The following GALNT13 variants were observed in gnomAD, a reference collection of about 807,000 sequenced individuals.
GALNT13 encodes the protein polypeptide N-acetylgalactosaminyltransferase 13.
GALNT13 carries 28 observed loss-of-function variants against 64.2 expected under a neutral mutation model. That is an observed-to-expected ratio of 0.44 (90% confidence interval 0.32 to 0.60). The LOEUF (loss-of-function observed/expected upper bound fraction) is 0.60, where lower values mean the gene tolerates loss of function less well. GALNT13 is among the 20% of genes least tolerant of loss of function. GALNT13 has a pLI of 0.05. For synonymous variants in GALNT13, 214 were observed against 224.6 expected, an observed-to-expected ratio of 0.95 and a Z score of 0.42; for missense variants, 577 against 669.8, an observed-to-expected ratio of 0.86 and a Z score of 1.53.
chr2:154,185,202 A>G (rs1686183579), intron 4 of GALNT13, among the ~76,000 whole-genome samples: 2 of 152,100 alleles, frequency 1.3e-5, no homozygotes, highest in Admixed American at 1.3e-4. Flanking sequence ...GTGTTGGCTG[A>G]AAAATTTACA....
the GALNT13 span, among the ~76,000 whole-genome samples, chr2:153,857,066 T>G: frequency 2.6e-5 from 4 of 152,128 alleles, no homozygotes; most frequent in Non-Finnish European, 5.9e-5. Flanking sequence ...CTGGTTACCT[T>G]TGGGAAACTG....
chr2:153,808,456 A>G, the GALNT13 span, among the ~76,000 whole-genome samples: 1 of 151,960 alleles, frequency 6.6e-6, no homozygotes, highest in Non-Finnish European at 1.5e-5. Flanking sequence ...TAGATTTGCT[A>G]TTAGTTCTCC....
chr2:153,373,960 T>G, the GALNT13 span, among the ~76,000 whole-genome samples: 3 of 152,350 alleles, frequency 2.0e-5, no homozygotes, highest in East Asian at 5.8e-4. Flanking sequence ...TTTTTACGGT[T>G]GAATAATATT....
the GALNT13 span, among the ~76,000 whole-genome samples, chr2:153,819,078 C>T: frequency 1.3e-5 from 2 of 152,124 alleles, no homozygotes; most frequent in Admixed American, 1.3e-4. Context: ...AACTCTGTAG[C>T]ATCTGATCAT....
At chr2:153,610,371 A>G in the GALNT13 span, among the ~76,000 whole-genome samples, 1 of 152,182 alleles carries the variant, frequency 6.6e-6, no homozygotes, top group Non-Finnish European at 1.5e-5. Flanking sequence ...ATATGCATAT[A>G]TTTATTAAAA....
the GALNT13 span, among the ~76,000 whole-genome samples, chr2:153,354,050 T>G: frequency 2.0e-5 from 3 of 152,196 alleles, no homozygotes; most frequent in African/African-American, 7.2e-5. Flanking sequence ...TTTGGAAGGC[T>G]ATTAGTGATT....
chr2:153,772,090 G>T, the GALNT13 span, among the ~76,000 whole-genome samples: 2 of 152,166 alleles, frequency 1.3e-5, no homozygotes, highest in Non-Finnish European at 2.9e-5. Context: ...GCTGATTCCA[G>T]TGCTTACCAC....
At chr2:153,487,425 C>T in the GALNT13 span, among the ~76,000 whole-genome samples, 1 of 152,204 alleles carries the variant, frequency 6.6e-6, no homozygotes, top group Admixed American at 6.5e-5. Context: ...TCTCTTTTCC[C>T]TCCAATATTT....
the GALNT13 span, among the ~76,000 whole-genome samples, chr2:153,450,392 A>C: frequency 1.3e-5 from 2 of 152,170 alleles, no homozygotes; most frequent in African/African-American, 2.4e-5. Context: ...GAATGAAAAA[A>C]AAATGATTGA....
At chr2:153,296,513 A>G in the GALNT13 span, among the ~76,000 whole-genome samples, 1 of 152,220 alleles carries the variant, frequency 6.6e-6, no homozygotes, top group Non-Finnish European at 1.5e-5. Flanking sequence ...GGAGAGAGAA[A>G]ACAGCAGATT....
At chr2:154,440,558 C>T (rs913167769) in intron 12 of GALNT13, among the ~76,000 whole-genome samples, 7 of 152,030 alleles carry the variant, frequency 4.6e-5, no homozygotes, top group Non-Finnish European at 4.4e-5. Flanking sequence ...TTTCAGAGCA[C>T]TATAATATTT....
the GALNT13 span, among the ~76,000 whole-genome samples, chr2:153,765,921 C>G: frequency 2.0e-5 from 3 of 152,176 alleles, no homozygotes; most frequent in African/African-American, 4.8e-5. Flanking sequence ...TAAGATGTGA[C>G]TTTTCCCCTC....
intron 9 of GALNT13, among the ~76,000 whole-genome samples, chr2:154,361,256 C>A (rs923590921): frequency 6.6e-6 from 1 of 152,056 alleles, no homozygotes; most frequent in Non-Finnish European, 1.5e-5. Context: ...TATCCATATA[C>A]GGTTTATATG....
At chr2:153,289,683 A>G in the GALNT13 span, among the ~76,000 whole-genome samples, 1 of 152,218 alleles carries the variant, frequency 6.6e-6, no homozygotes, top group South Asian at 2.1e-4. Context: ...ATCATTTGAA[A>G]TACAGACTAT....
the GALNT13 span, among the ~76,000 whole-genome samples, chr2:153,473,450 C>G: frequency 2.6e-5 from 4 of 152,018 alleles, no homozygotes; most frequent in South Asian, 8.3e-4. Context: ...GAAATGAGAA[C>G]AAAGTGAGAT....
the GALNT13 span, among the ~76,000 whole-genome samples, chr2:153,414,393 A>T: frequency 6.6e-6 from 1 of 151,810 alleles, no homozygotes; most frequent in Non-Finnish European, 1.5e-5. Flanking sequence ...AAATAAAAAA[A>T]AAATAAAATA....
intron 8 of GALNT13, among the ~76,000 whole-genome samples, chr2:154,270,256 A>T (rs76733481): frequency 0.15 from 22,476 of 151,716 alleles, 2,163 homozygotes; most frequent in East Asian, 0.3. Context: ...GCTTTATATT[A>T]GCCTTTGATA....
chr2:153,292,422 A>G, the GALNT13 span, among the ~76,000 whole-genome samples: 1 of 152,224 alleles, frequency 6.6e-6, no homozygotes, highest in Non-Finnish European at 1.5e-5. Context: ...CCGGAGATAC[A>G]GTCTCACGAA....
intron 8 of GALNT13, among the ~76,000 whole-genome samples, chr2:154,267,728 G>A (rs886737163): frequency 2.0e-5 from 3 of 151,902 alleles, no homozygotes; most frequent in Non-Finnish European, 2.9e-5. Flanking sequence ...AAAAAAAGAA[G>A]TTAGCAAATT....
Sources: gnomAD v4.1 joint callset for allele counts (sites outside exome capture counted in the v4.1 genomes callset) on GRCh38, gnomAD v4.1.1 for gene constraint, MANE v1.5 for transcripts, NCBI Gene and HGNC (gene_info 2026-07-23, HGNC 2026-07-21) for gene names.